Variants in KCTD5 observed in about 807,000 individuals in gnomAD.
KCTD5 encodes BTB/POZ domain-containing protein KCTD5.
KCTD5 carries 12 observed loss-of-function variants against 27.9 expected under a neutral mutation model. The observed-to-expected ratio is 0.43, with a 90% CI of 0.28 to 0.70. The LOEUF is 0.70. Ranked by LOEUF, KCTD5 falls within the 30% of genes least tolerant of loss-of-function variation. The pLI is 0.19. For synonymous variants in KCTD5, 147 were observed against 121.4 expected, an observed-to-expected ratio of 1.21 and a Z score of -1.39; for missense variants, 226 against 274.8, an observed-to-expected ratio of 0.82 and a Z score of 1.26.
At chr16:2,690,132 G>C (rs1305426614) in intron 1 of KCTD5, among the ~76,000 whole-genome samples, 3 of 152,262 alleles carry the variant, frequency 2.0e-5, no homozygotes, top group Admixed American at 1.3e-4. Context: ...GGCCAGTCTT[G>C]TTACCACACT....
chr16:2,708,122 C>T lies in KCTD5; in HGVS notation c.*795C>T, dbSNP rs1365973752. The T allele has an allele frequency of 1.3e-5, 2 of 152,756 alleles. No homozygotes were observed. Among genetic ancestry groups the T allele is most frequent in the Non-Finnish European group, 2.9e-5 (2 of 68,106 alleles). The allele number at this position is 152,756 out of a possible 1,614,324, so 9.5% of individuals were successfully genotyped here. On this transcript the variant is annotated 3_prime_UTR_variant, in exon 6 of 6. Transcript: ENST00000301738. The stretch of plus-strand genomic sequence containing the variant: ...CGCCTCGCCCCTCCCACTGCGGGCT[C>T]ACGGGGAGCTGGCGTCTGTCAGTGC...
At chr16:2,690,439 C>CGAA (rs1242986775) in intron 1 of KCTD5, among the ~76,000 whole-genome samples, 3 of 152,224 alleles carry the variant, frequency 2.0e-5, no homozygotes, top group Non-Finnish European at 4.4e-5. Flanking sequence ...TGGGCCCGGC[C>CGAA]ACAAGTAGGT....
intron 1 of KCTD5, among the ~76,000 whole-genome samples, chr16:2,686,979 T>G (rs1196288591): frequency 6.6e-6 from 1 of 152,206 alleles, no homozygotes; most frequent in African/African-American, 2.4e-5. Context: ...TGATGGACTT[T>G]GTTTCACGCT....
chr16:2,682,939 GC>G, intron 1 of KCTD5, 139 bp downstream of exon 1: 1 of 1,099,304 alleles, frequency 9.1e-7, no homozygotes, highest in Non-Finnish European at 1.2e-6. Flanking sequence ...CTCCCTTGTC[GC>G]CAGCTCCTCC....
intron 1 of KCTD5, among the ~76,000 whole-genome samples, chr16:2,687,771 C>T (rs978240914): frequency 4.6e-5 from 7 of 152,284 alleles, no homozygotes; most frequent in Non-Finnish European, 8.8e-5. Flanking sequence ...TAAGCAGTCC[C>T]CAGGCATGGT....
At chr16:2,704,954 C>T (rs767646715) in intron 5 of KCTD5, among the ~76,000 whole-genome samples, 7 of 152,216 alleles carry the variant, frequency 4.6e-5, no homozygotes, top group South Asian at 4.1e-4. Context: ...AAGATGCAGC[C>T]GCCTCACACG....
At chr16:2,690,663 G>A (rs376794130) in intron 1 of KCTD5, among the ~76,000 whole-genome samples, 3 of 152,174 alleles carry the variant, frequency 2.0e-5, no homozygotes, top group African/African-American at 7.2e-5. Context: ...CTTCCTGGCC[G>A]CCTCTCCTCA....
intron 5 of KCTD5, among the ~76,000 whole-genome samples, chr16:2,703,237 C>G (rs145833310): frequency 6.6e-6 from 1 of 152,146 alleles, no homozygotes; most frequent in African/African-American, 2.4e-5. Context: ...TGGACAAATG[C>G]GTCCATCCAA....
At chr16:2,702,162 C>A (rs1244091266) in intron 4 of KCTD5, among the ~76,000 whole-genome samples, 191 bp from the exon 5 acceptor site, 1 of 152,224 alleles carries the variant, frequency 6.6e-6, no homozygotes, top group Non-Finnish European at 1.5e-5. Context: ...CATGCCATGC[C>A]ACGGCGTGGG....
chr16:2,699,993 T>C, intron 4 of KCTD5, 77 bp downstream of exon 4: 1 of 1,348,656 alleles, frequency 7.4e-7, no homozygotes, highest in Admixed American at 1.7e-5. Context: ...GGCTCAGTGC[T>C]CCTGGAAATG....
intron 2 of KCTD5, among the ~76,000 whole-genome samples, chr16:2,697,483 C>T (rs562885697): frequency 5.3e-5 from 8 of 152,362 alleles, no homozygotes; most frequent in Non-Finnish European, 1.0e-4. Context: ...CACCCAGTGG[C>T]GTGGCCATGA....
intron 4 of KCTD5, 65 bp downstream of exon 4, chr16:2,699,981 A>C: frequency 1.4e-6 from 2 of 1,428,610 alleles, no homozygotes; most frequent in South Asian, 1.1e-5. Context: ...ACAATGGCTC[A>C]GGGCTCAGTG....
Position 2,706,973 on chromosome 16 carries a change from G to A in KCTD5, c.676-325G>A, listed in dbSNP as rs192712467. Among the ~76,000 whole-genome samples, 12 of 152,102 alleles carry A rather than the reference G, an allele frequency of 7.9e-5. No homozygotes were observed. The South Asian group carries it at 2.1e-3, about 26-fold the overall frequency. On this transcript the variant is annotated intron_variant, in intron 5 of 5. Transcript: ENST00000301738. ...GGGAGGGGGGACTGGACTGCTGAGGGACCCGCGGGCCGAGTTGCGCTTCAT... is the reference window on the plus strand; with the variant it reads ...GGGAGGGGGGACTGGACTGCTGAGGAACCCGCGGGCCGAGTTGCGCTTCAT...
chr16:2,683,270 G>A (rs1386069103), intron 1 of KCTD5: 2 of 153,722 alleles, frequency 1.3e-5, no homozygotes, highest in Non-Finnish European at 2.9e-5. Context: ...GTTGATATGG[G>A]CGGCCCTTTT....
In KCTD5 at chr16:2,708,324, T is replaced by C. The variant is rs1452882317; in HGVS notation, c.*997T>C. On this transcript the variant is annotated 3_prime_UTR_variant, in exon 6 of 6. Transcript: ENST00000301738. ...AGCCTTCCCTCTCTTTCTGGGATGTTTGGGACTTCACTCGACCTGCACGGG... is the reference window on the plus strand; with the variant it reads ...AGCCTTCCCTCTCTTTCTGGGATGTCTGGGACTTCACTCGACCTGCACGGG... 1 of 152,714 alleles carries C rather than the reference T, an allele frequency of 6.5e-6. No homozygotes were observed. The highest frequency in any genetic ancestry group is 1.5e-5 in the Non-Finnish European group (1 of 68,070). The allele number at this position is 152,714 out of a possible 1,614,324, so 9.5% of individuals were successfully genotyped here. A position where few individuals can be genotyped will look rare whatever the true frequency, so the allele number is the denominator to read the frequency against.
rs2067550532 is a variant in KCTD5, at chr16:2,688,243, ATATTTATTTATTT to A, written c.252+5444_252+5456del. On this transcript the variant is annotated intron_variant, in intron 1 of 5. Transcript: ENST00000301738. Reference sequence around the variant, plus strand: ...TAAATAAATAAATATATATATATATATATTTATTTATTTATTTATTTATTTGAGACGGAGTCTT... The same window carrying A: ...TAAATAAATAAATATATATATATATAATTTATTTATTTGAGACGGAGTCTT... Among the ~76,000 whole-genome samples, 10 of 64,246 alleles carry A rather than the reference ATATTTATTTATTT, an allele frequency of 1.6e-4. No individual in the cohort carries two copies. The South Asian group carries it at 4.7e-3, about 31-fold the overall frequency. The allele number at this position is 64,246 out of a possible 152,430, so 42.1% of individuals were successfully genotyped here.
chr16:2,692,154 C>T (rs895803432), intron 1 of KCTD5, among the ~76,000 whole-genome samples: 2 of 152,208 alleles, frequency 1.3e-5, no homozygotes, highest in South Asian at 4.1e-4. Flanking sequence ...CTTGGCCTTG[C>T]AAAGCTCCAC....
intron 1 of KCTD5, among the ~76,000 whole-genome samples, chr16:2,691,818 C>T (rs1013537134): frequency 2.0e-5 from 3 of 152,214 alleles, no homozygotes; most frequent in African/African-American, 7.2e-5. Flanking sequence ...CAAGTCTCTT[C>T]CTAACTGGAT....
intron 1 of KCTD5, among the ~76,000 whole-genome samples, chr16:2,693,168 A>C (rs935056277): frequency 7.2e-5 from 11 of 152,180 alleles, no homozygotes; most frequent in African/African-American, 2.7e-4. Context: ...GCACAGCCCC[A>C]GCTCTGCATC....
Sources: gnomAD v4.1 joint callset for allele counts (sites outside exome capture counted in the v4.1 genomes callset) on GRCh38, gnomAD v4.1.1 for gene constraint, MANE v1.5 for transcripts, NCBI Gene and HGNC (gene_info 2026-07-23, HGNC 2026-07-21) for gene names.